Variants in TAF4 observed in about 807,000 individuals in gnomAD.
TAF4 encodes TATA-box binding protein associated factor 4, also known as transcription initiation factor TFIID subunit 4.
TAF4 carries 9 observed loss-of-function variants against 90.3 expected under a neutral mutation model. That is an observed-to-expected ratio of 0.10 (90% CI 0.06 to 0.17). TAF4 has a LOEUF of 0.17. Ranked by LOEUF, TAF4 falls within the 10% of genes least tolerant of loss-of-function variation. The pLI, the probability that TAF4 is intolerant of heterozygous loss-of-function variation, is 1.00. For missense variants in TAF4, 1,351 were observed against 1,370.7 expected, an observed-to-expected ratio of 0.99 and a Z score of 0.23; for synonymous variants, 818 against 638.9, an observed-to-expected ratio of 1.28 and a Z score of -4.23.
At chr20:61,993,524 A>G (rs540726033) in intron 14 of TAF4, among the ~76,000 whole-genome samples, 2 of 152,282 alleles carry the variant, frequency 1.3e-5, no homozygotes, top group African/African-American at 4.8e-5. Flanking sequence ...TAAAAATGTT[A>G]AATTCTGGTT....
chr20:62,008,529 G>A (rs986702364), intron 5 of TAF4, among the ~76,000 whole-genome samples: 3 of 139,816 alleles, frequency 2.1e-5, no homozygotes, highest in East Asian at 4.9e-4. Flanking sequence ...TGTTCTCTGC[G>A]ACAGAGGTTT....
At chr20:61,992,857 C>T (rs959365438) in intron 14 of TAF4, among the ~76,000 whole-genome samples, 1 of 152,284 alleles carries the variant, frequency 6.6e-6, no homozygotes, top group Middle Eastern at 3.4e-3. Flanking sequence ...GAGATGCTTC[C>T]ATTGGCCAAA....
chr20:61,976,755 C>T (rs1030301221), intron 14 of TAF4, among the ~76,000 whole-genome samples: 1 of 152,226 alleles, frequency 6.6e-6, no homozygotes, highest in Non-Finnish European at 1.5e-5. Context: ...CGCTTGGCTG[C>T]TGAATTCCTG....
At chr20:62,004,328 C>CTTTTCTTTTT (rs750655697) in intron 7 of TAF4, among the ~76,000 whole-genome samples, 3 of 117,204 alleles carry the variant, frequency 2.6e-5, no homozygotes, top group South Asian at 2.8e-4. Context: ...CTTTTCTTTT[C>CTTTTCTTTTT]TTTTTTTTTT....
At chr20:62,022,865 C>A (rs571478803) in intron 1 of TAF4, among the ~76,000 whole-genome samples, 73 of 151,980 alleles carry the variant, frequency 4.8e-4, no homozygotes, top group African/African-American at 1.3e-3. Context: ...CTTGCAGCCC[C>A]CCCCCCGCAC....
rs755297060 is a variant in TAF4 at position 61,998,209 on chromosome 20, CAGAAA to C, written c.2914-22_2914-18del. Reference sequence around the variant, plus strand: ...TGACCGAGACTATTTTTGAAAGAGGCAGAAAAGAAAAGTAAGTTATGAACTAAATG... The same window carrying C: ...TGACCGAGACTATTTTTGAAAGAGGCAGAAAAGTAAGTTATGAACTAAATG... On this transcript the variant is annotated intron_variant, in intron 12 of 14. Transcript: ENST00000252996. 22 of 1,610,204 alleles carry C rather than the reference CAGAAA, an allele frequency of 1.4e-5. No homozygotes were observed. Among genetic ancestry groups the C allele is most frequent in the African/African-American group, 2.7e-5 (2 of 74,664 alleles).
chr20:62,031,571 C>T lies in TAF4; in HGVS notation c.1361-16864G>A, dbSNP rs1315706322. Among the ~76,000 whole-genome samples, 4 of 152,162 alleles carry T rather than the reference C, an allele frequency of 2.6e-5. No individual in the cohort carries two copies. In the East Asian group the frequency reaches 7.7e-4, roughly 29 times the overall value. ...CTTTGCCTTGACTGAGAGCTCAGTT[C>T]CAACTCTGTGCCCACCTCCCAGCCT... On this transcript the variant is annotated intron_variant, in intron 1 of 14. Transcript: ENST00000252996.
At chr20:62,011,865 C>G (rs1183461950) in intron 3 of TAF4, among the ~76,000 whole-genome samples, 1 of 152,214 alleles carries the variant, frequency 6.6e-6, no homozygotes, top group Admixed American at 6.5e-5. Context: ...CGGATGCTCA[C>G]AGACACCAGG....
chr20:62,043,814 G>A (rs115566977), intron 1 of TAF4, among the ~76,000 whole-genome samples: 3,841 of 152,266 alleles, frequency 0.025, 113 homozygotes, highest in African/African-American at 0.066. Flanking sequence ...CACGATGCTC[G>A]CACAACGATG....
Position 62,006,880 on chromosome 20 carries a change from C to T in TAF4, c.1975-122G>A, listed in dbSNP as rs7270322. The stretch of plus-strand genomic sequence containing the variant: ...TTGAGCTAAGTAAGATGGATCTTGG[C>T]CCTCACGGCAGCATGTCTGGATGTC... On this transcript the variant is annotated intron_variant, in intron 6 of 14. Transcript: ENST00000252996. This position sits in a 1 kb window ranked among gnomAD's most constrained non-coding sequence, Gnocchi z 7.0. The T allele has an allele frequency of 1.6e-3, 2,043 of 1,300,196 alleles. 24 individuals are homozygous for T. The African/African-American group carries it at 0.024, about 15-fold the overall frequency. The allele number at this position is 1,300,196 out of a possible 1,614,324, so 80.5% of individuals were successfully genotyped here.
intron 1 of TAF4, among the ~76,000 whole-genome samples, chr20:62,043,524 A>G (rs1193595631): frequency 6.6e-6 from 1 of 152,220 alleles, no homozygotes; most frequent in Non-Finnish European, 1.5e-5. Context: ...CAGAGCCTAC[A>G]GCAGCACAGT....
intron 1 of TAF4, among the ~76,000 whole-genome samples, chr20:62,023,202 G>C (rs747496669): frequency 2.6e-5 from 4 of 152,254 alleles, no homozygotes; most frequent in Non-Finnish European, 4.4e-5. Flanking sequence ...AGCACTTCAG[G>C]AGGCCAAGGC....
At chr20:62,053,325 G>T (rs1277555469) in intron 1 of TAF4, among the ~76,000 whole-genome samples, 2 of 72,516 alleles carry the variant, frequency 2.8e-5, no homozygotes, top group African/African-American at 1.2e-4. Flanking sequence ...CCATGAGGCC[G>T]CGGGAGCCGG....
chr20:61,984,605 G>A (rs551020493), intron 14 of TAF4, among the ~76,000 whole-genome samples: 25 of 151,370 alleles, frequency 1.7e-4, no homozygotes, highest in Middle Eastern at 6.8e-3. Flanking sequence ...ACATCAGCAC[G>A]ATGAAGTGCC....
At chr20:62,018,654 T>G (rs561155577) in intron 1 of TAF4, among the ~76,000 whole-genome samples, 99 of 152,294 alleles carry the variant, frequency 6.5e-4, no homozygotes, top group African/African-American at 2.3e-3. Flanking sequence ...ACACTGGCCG[T>G]GTCCCCACCC....
At position 62,014,104 on chromosome 20, in the gene TAF4, C is replaced by T. The variant is rs116034994; in HGVS notation, c.1521+443G>A. On this transcript the variant is annotated intron_variant, in intron 2 of 14. Transcript: ENST00000252996. ...CCTAACAGCAGCAGCCAACCCCACT[C>T]GCACACAGCGGCTCCAGGACTCTTG... is the stretch of plus-strand genomic sequence containing the variant. 2.2e-4 allele frequency among the ~76,000 whole-genome samples: 34 copies of T among 152,106 alleles called. 1 individual carries two copies. The East Asian group carries it at 4.5e-3, about 20-fold the overall frequency.
intron 1 of TAF4, among the ~76,000 whole-genome samples, chr20:62,048,802 ACCAAGCTCCGTACACC>A (rs1471278775): frequency 1.5e-5 from 2 of 131,138 alleles, no homozygotes; most frequent in Admixed American, 1.6e-4. Flanking sequence ...CACCTCAGTC[ACCAAGCTCCGTACACC>A]CCAAGCTCCG....
intron 1 of TAF4, among the ~76,000 whole-genome samples, chr20:62,023,663 G>A (rs954092099): frequency 4.8e-5 from 7 of 145,324 alleles, no homozygotes; most frequent in Admixed American, 7.2e-5. Flanking sequence ...CAGGAGAATC[G>A]CTTGAAGCCG....
chr20:62,053,445 G>A (rs73915547), intron 1 of TAF4, among the ~76,000 whole-genome samples: 3,657 of 152,288 alleles, frequency 0.024, 89 homozygotes, highest in African/African-American at 0.06. Context: ...AGGCAGGAGC[G>A]GCAGGGAAAC....
Sources: allele counts gnomAD v4.1 joint callset (sites outside exome capture counted in the v4.1 genomes callset), GRCh38; gene constraint gnomAD v4.1.1; non-coding constraint Gnocchi (gnomAD v3.1); transcripts MANE v1.5; gene names NCBI Gene and HGNC (gene_info 2026-07-23, HGNC 2026-07-21).